FMC1: variants seen among roughly 807,000 people sequenced by gnomAD.
FMC1 encodes the protein formation of mitochondrial complex V assembly factor 1.
Under a neutral mutation model 10.5 loss-of-function variants are expected in FMC1, and 6 were observed. That is an observed-to-expected ratio of 0.57 (90% CI 0.31 to 1.12). The LOEUF (loss-of-function observed/expected upper bound fraction) is 1.12, where lower values mean the gene tolerates loss of function less well. Among genes scored for constraint, FMC1 ranks in the 50% most tolerant of loss-of-function variants. FMC1 has a pLI of 0.05. For missense variants in FMC1, 146 were observed against 151.7 expected (o/e 0.96, Z 0.20); for synonymous variants, 59 against 62.1 (o/e 0.95, Z 0.24).
intron 1 of FMC1, 78 bp downstream of exon 1, chr7:139,341,600 G>A: frequency 1.9e-6 from 3 of 1,552,970 alleles, no homozygotes; most frequent in South Asian, 1.2e-5. Context: ...TGGGGAGCAC[G>A]GTGTTTAATT....
At chr7:139,345,133 G>A (rs74826683) in intron 1 of FMC1, 1 of 183,618 alleles carries the variant, frequency 5.4e-6, no homozygotes, top group Non-Finnish European at 1.1e-5. Context: ...TATTCTTTAG[G>A]TGACATTAAT....
intron 1 of FMC1, among the ~76,000 whole-genome samples, chr7:139,343,926 CAAAAA>C (rs1163028006): frequency 9.5e-6 from 1 of 104,890 alleles, no homozygotes; most frequent in Admixed American, 1.1e-4. Context: ...ACCCTGTCCC[CAAAAA>C]AAAAAAAAAA....
chr7:139,345,163 A>C (rs1350265081), intron 1 of FMC1, among the ~76,000 whole-genome samples: 1 of 152,096 alleles, frequency 6.6e-6, no homozygotes, highest in Non-Finnish European at 1.5e-5. Flanking sequence ...CCTAATTATA[A>C]TTTCCATATC....
In FMC1 at chr7:139,341,402, C is replaced by T; in HGVS notation, c.18C>T (p.Ser6=). Residue 6 remains serine (S), a synonymous_variant, in exon 1 of 2, where the codon TCC becomes TCT. Transcript: ENST00000297534. ...ACAGGACAATGGCGGCCTTAGGGTC[C>T]CCGTCGCACACTTTTCGAGGACTTC... MAALG[S]PSHTFRGLLR... The T allele has an allele frequency of 1.9e-6, 3 of 1,613,252 alleles. No homozygotes were observed. In the African/African-American group the frequency reaches 4.0e-5, roughly 21 times the overall value.
Position 139,345,735 on chromosome 7 carries a change from A to C in FMC1, c.*31A>C. 6.3e-7 allele frequency: 1 copy of C among 1,590,000 alleles called. No individual in the cohort carries two copies. The highest frequency in any genetic ancestry group is 8.6e-7 in the Non-Finnish European group (1 of 1,167,564). On this transcript the variant is annotated 3_prime_UTR_variant, in exon 2 of 2. Coordinates refer to ENST00000297534, the MANE Select transcript of FMC1 (RefSeq NM_197964.5). ...GAGAATATCCTTGGATGCTGCATTCATAGGAGAATTGAATAATTTCTATCA... is the reference window on the plus strand; with the variant it reads ...GAGAATATCCTTGGATGCTGCATTCCTAGGAGAATTGAATAATTTCTATCA...
upstream of FMC1, chr7:139,340,626 C>G (rs768240240): frequency 5.0e-6 from 2 of 396,538 alleles, no homozygotes; most frequent in African/African-American, 2.1e-5. Flanking sequence ...TAGGGTAAGG[C>G]GAAAATGAAG....
Position 139,341,601 on chromosome 7 carries a change from G to A in FMC1, c.138+79G>A, listed in dbSNP as rs371664261. ...GGTCTGGGCTAGGGTGGGGAGCACG[G>A]TGTTTAATTCCTGCATTTCTGAGGC... is the stretch of plus-strand genomic sequence containing the variant. On this transcript the variant is annotated intron_variant, in intron 1 of 1. Transcript: ENST00000297534. 3.8e-4 allele frequency: 581 copies of A among 1,548,510 alleles called. 3 individuals are homozygous for A. In the African/African-American group the frequency reaches 6.7e-3, roughly 18 times the overall value.
chr7:139,341,666 C>CT (rs1798976016), intron 1 of FMC1, 144 bp downstream of exon 1: 1 of 1,402,588 alleles, frequency 7.1e-7, no homozygotes, highest in African/African-American at 1.4e-5. Context: ...CAAACCAACC[C>CT]AGGCCCTAGG....
upstream of FMC1, chr7:139,340,711 C>CT: frequency 2.6e-6 from 1 of 390,096 alleles, no homozygotes; most frequent in Non-Finnish European, 4.5e-6. Context: ...CCCCAGTGGC[C>CT]TAATGGATAA....
At position 139,341,500 on chromosome 7, in the gene FMC1, T is replaced by C. The variant is rs571616041; in HGVS notation, c.116T>C (p.Val39Ala). Residue 39 changes from valine (V) to alanine (A), a missense_variant, in exon 1 of 2, where the codon GTG becomes GCG. By Grantham distance (64) the Val-to-Ala change is moderately conservative. Coordinates refer to ENST00000297534, the MANE Select transcript of FMC1 (RefSeq NM_197964.5). ...YRDTAAYRYL[V>A]KAFRAHRVTS... Reference sequence around the variant, plus strand: ...GACACCGCGGCCTATCGGTACCTTGTGAAGGCTTTCCGTGCACATCGGGTA... The same window carrying C: ...GACACCGCGGCCTATCGGTACCTTGCGAAGGCTTTCCGTGCACATCGGGTA... 9.9e-6 allele frequency: 16 copies of C among 1,613,652 alleles called. No homozygotes were observed. In the African/African-American group the frequency reaches 1.3e-4, roughly 13 times the overall value.
intron 1 of FMC1, among the ~76,000 whole-genome samples, chr7:139,341,823 C>G (rs915572637): frequency 6.6e-6 from 1 of 152,094 alleles, no homozygotes; most frequent in African/African-American, 2.4e-5. Flanking sequence ...GGAGGGCAGT[C>G]AGGAAAGTGG....
intron 1 of FMC1, among the ~76,000 whole-genome samples, chr7:139,344,701 T>TC (rs1799181956): frequency 7.0e-6 from 1 of 143,446 alleles, no homozygotes; most frequent in African/African-American, 2.6e-5. Flanking sequence ...CTTTCTTTTT[T>TC]TTTTTTTTTT....
intron 1 of FMC1, among the ~76,000 whole-genome samples, chr7:139,344,207 G>T (rs1197877414): frequency 6.6e-6 from 1 of 152,150 alleles, no homozygotes; most frequent in Non-Finnish European, 1.5e-5. Flanking sequence ...CATGAGTCCA[G>T]AGTTTTCAAG....
rs1163028006 is a variant in FMC1, at chr7:139,343,926, C to CA, written c.139-1555dup. 9.1e-3 allele frequency among the ~76,000 whole-genome samples: 955 copies of CA among 104,634 alleles called. 7 individuals are homozygous for CA. Among genetic ancestry groups the CA allele is most frequent in the Non-Finnish European group, 0.013 (594 of 44,320 alleles). 68.6% of individuals were successfully genotyped at this position (104,634 alleles called of 152,430 possible). A position where few individuals can be genotyped will look rare whatever the true frequency, so the allele number is the denominator to read the frequency against. On this transcript the variant is annotated intron_variant, in intron 1 of 1. Coordinates refer to ENST00000297534, the MANE Select transcript of FMC1 (RefSeq NM_197964.5). The stretch of plus-strand genomic sequence containing the variant: ...GGGCAACAAAGTGAGACCCTGTCCC[C>CA]AAAAAAAAAAAAAAAAAAAAGAGTT...
At chr7:139,341,774 C>T (rs1158997566) in intron 1 of FMC1, among the ~76,000 whole-genome samples, 2 of 152,166 alleles carry the variant, frequency 1.3e-5, no homozygotes, top group Admixed American at 1.3e-4. Flanking sequence ...GGGGCGGACC[C>T]GTCCCGAAGG....
At chr7:139,343,925 C>CA (rs370854113) in intron 1 of FMC1, among the ~76,000 whole-genome samples, 32,103 of 125,664 alleles carry the variant, frequency 0.26, 5,305 homozygotes, top group African/African-American at 0.5. Flanking sequence ...GACCCTGTCC[C>CA]CAAAAAAAAA....
At chr7:139,342,610 G>A (rs1192355360) in intron 1 of FMC1, among the ~76,000 whole-genome samples, 1 of 152,152 alleles carries the variant, frequency 6.6e-6, no homozygotes, top group Admixed American at 6.5e-5. Flanking sequence ...CAGGCGACAT[G>A]CGACACCACG....
chr7:139,343,483 A>G (rs188999387), intron 1 of FMC1, among the ~76,000 whole-genome samples: 2 of 152,278 alleles, frequency 1.3e-5, no homozygotes, highest in Admixed American at 6.5e-5. Context: ...AGCTGAGGTG[A>G]GAGGATCACT....
upstream of FMC1, among the ~76,000 whole-genome samples, chr7:139,340,784 T>A (rs1037411827): frequency 6.6e-6 from 1 of 151,186 alleles, no homozygotes; most frequent in Non-Finnish European, 1.5e-5. Context: ...CCTGTGACTT[T>A]TGTCCTTTTT....
Sources: gnomAD v4.1 joint callset for allele counts (sites outside exome capture counted in the v4.1 genomes callset) on GRCh38, gnomAD v4.1.1 for gene constraint, MANE v1.5 for transcripts, NCBI Gene and HGNC (gene_info 2026-07-23, HGNC 2026-07-21) for gene names.